CCDC171: variants seen among roughly 807,000 people sequenced by gnomAD.
CCDC171 encodes coiled-coil domain-containing protein 171.
A neutral mutation model predicts 168.2 loss-of-function variants in CCDC171; 177 were observed. That is an observed-to-expected ratio of 1.05 (90% CI 0.93 to 1.19). The LOEUF is 1.19. Ranked by LOEUF, CCDC171 falls within the 50% of genes most tolerant of loss-of-function variation. The pLI, the probability that CCDC171 is intolerant of heterozygous loss-of-function variation, is 0.00. For missense variants in CCDC171, 1,991 were observed against 1,539.0 expected, an observed-to-expected ratio of 1.29 and a Z score of -4.91; for synonymous variants, 687 against 540.8, an observed-to-expected ratio of 1.27 and a Z score of -3.75.
At chr9:15,770,818 G>A (rs913166241) in intron 18 of CCDC171, among the ~76,000 whole-genome samples, 3 of 152,096 alleles carry the variant, frequency 2.0e-5, no homozygotes, top group African/African-American at 7.2e-5. Flanking sequence ...ACACAATACA[G>A]AAACCTGCAC....
intron 21 of CCDC171, among the ~76,000 whole-genome samples, chr9:15,826,536 T>C (rs1454525108): frequency 6.6e-6 from 1 of 152,188 alleles, no homozygotes; most frequent in Non-Finnish European, 1.5e-5. Context: ...TCTGCCTGAT[T>C]TTCTTTCTCT....
intron 3 of CCDC171, among the ~76,000 whole-genome samples, chr9:15,578,126 T>TG: frequency 6.6e-6 from 1 of 152,216 alleles, no homozygotes. Context: ...ATTTGTTTAT[T>TG]GGTTCCATTT....
intron 24 of CCDC171, among the ~76,000 whole-genome samples, chr9:15,879,339 G>A (rs1404692154): frequency 6.6e-6 from 1 of 151,414 alleles, no homozygotes; most frequent in African/African-American, 2.4e-5. Flanking sequence ...TACATGTTTT[G>A]GAGGCACATG....
chr9:15,583,446 G>C (rs2663300), intron 4 of CCDC171, among the ~76,000 whole-genome samples: 74,542 of 149,974 alleles, frequency 0.5, 19,157 homozygotes, highest in East Asian at 0.85. Context: ...TATATATACA[G>C]CAAGGAATAC....
At chr9:15,979,712 G>T (rs955639214) in intron 3 of CCDC171, among the ~76,000 whole-genome samples, 4 of 151,490 alleles carry the variant, frequency 2.6e-5, no homozygotes, top group African/African-American at 9.7e-5. Flanking sequence ...ATTTGTTGGA[G>T]ATTTTGCATC....
chr9:15,842,079 TC>T (rs1415319973), intron 21 of CCDC171, among the ~76,000 whole-genome samples: 8 of 144,794 alleles, frequency 5.5e-5, no homozygotes, highest in South Asian at 2.2e-4. Context: ...TTATCTTTTT[TC>T]CCCCTGCAAG....
chr9:16,020,493 T>C (rs1833133921), intron 3 of CCDC171: 1 of 154,246 alleles, frequency 6.5e-6, no homozygotes, highest in Non-Finnish European at 1.5e-5. Flanking sequence ...AAGTACAGCA[T>C]ATGATTTTTT....
intron 2 of CCDC171, among the ~76,000 whole-genome samples, chr9:15,566,757 G>A (rs2039766932): frequency 6.6e-6 from 1 of 152,122 alleles, no homozygotes; most frequent in Non-Finnish European, 1.5e-5. Flanking sequence ...ACTAACCTAA[G>A]GTCATGAAGA....
intron 21 of CCDC171, among the ~76,000 whole-genome samples, chr9:15,807,284 G>C (rs1344169476): frequency 6.6e-6 from 1 of 152,212 alleles, no homozygotes; most frequent in Non-Finnish European, 1.5e-5. Context: ...GAGGATGTAA[G>C]ACACTCTGGC....
intron 21 of CCDC171, among the ~76,000 whole-genome samples, chr9:15,789,675 AT>A (rs1374236356): frequency 6.6e-6 from 1 of 152,148 alleles, no homozygotes. Context: ...ATATGTATAC[AT>A]GTGCCATGTT....
intron 25 of CCDC171, among the ~76,000 whole-genome samples, chr9:15,929,524 G>C (rs1826259238): frequency 1.3e-5 from 2 of 151,616 alleles, no homozygotes; most frequent in African/African-American, 4.8e-5. Context: ...GCAGCCCAAG[G>C]AAGAGTCCTT....
intron 6 of CCDC171, among the ~76,000 whole-genome samples, chr9:15,611,301 A>C (rs543063002): frequency 2.6e-5 from 4 of 152,280 alleles, no homozygotes; most frequent in Non-Finnish European, 5.9e-5. Flanking sequence ...CCATTCTCAC[A>C]TATTTCTTTA....
chr9:15,900,417 T>C (rs1180563768), intron 24 of CCDC171, among the ~76,000 whole-genome samples: 2 of 152,154 alleles, frequency 1.3e-5, no homozygotes, highest in Non-Finnish European at 2.9e-5. Context: ...GGCAAGTAAG[T>C]GAATTCTGCC....
chr9:15,646,514 G>A (rs936241076), intron 7 of CCDC171, among the ~76,000 whole-genome samples: 1 of 152,162 alleles, frequency 6.6e-6, no homozygotes, highest in Non-Finnish European at 1.5e-5. Flanking sequence ...CCCATCTCAT[G>A]TGCAGAGACA....
At chr9:15,595,867 G>T (rs1354195146) in intron 6 of CCDC171, among the ~76,000 whole-genome samples, 3 of 152,158 alleles carry the variant, frequency 2.0e-5, no homozygotes, top group Non-Finnish European at 2.9e-5. Flanking sequence ...GTACCTCATT[G>T]TGGTTTTGAT....
intron 21 of CCDC171, among the ~76,000 whole-genome samples, chr9:15,803,334 T>C (rs2058918031): frequency 6.6e-6 from 1 of 152,172 alleles, no homozygotes; most frequent in Admixed American, 6.5e-5. Flanking sequence ...TCTTTGCCCA[T>C]GCCTATGTCC....
Position 15,971,994 on chromosome 9 carries a change from T to C in CCDC171, c.*158T>C. The C allele has an allele frequency of 1.8e-6, 1 of 568,838 alleles. No individual in the cohort carries two copies. Among genetic ancestry groups the C allele is most frequent in the South Asian group, 2.9e-5 (1 of 34,954 alleles). The allele number at this position is 568,838 out of a possible 1,614,324, so 35.2% of individuals were successfully genotyped here. A position where few individuals can be genotyped will look rare whatever the true frequency, so the allele number is the denominator to read the frequency against. On this transcript the variant is annotated 3_prime_UTR_variant, in exon 26 of 26. Transcript: ENST00000380701. ...ATGTATTCTGGTAGCTCTGTCTCCT[T>C]GAATAAGGAAATAGCCAACTTTTTT...
At chr9:15,729,589 C>G in intron 15 of CCDC171, 21 bp from the exon 16 acceptor site, 1 of 1,520,322 alleles carries the variant, frequency 6.6e-7, no homozygotes, top group Non-Finnish European at 8.9e-7. Context: ...ATTTCCTTCT[C>G]TGTTGCATCT....
chr9:15,618,317 A>G (rs1345525934), intron 6 of CCDC171, among the ~76,000 whole-genome samples: 1 of 152,164 alleles, frequency 6.6e-6, no homozygotes, highest in Non-Finnish European at 1.5e-5. Context: ...CCTTAGCACT[A>G]TCAGGAGAAA....
Sources: gnomAD v4.1 joint callset for allele counts (sites outside exome capture counted in the v4.1 genomes callset) on GRCh38, gnomAD v4.1.1 for gene constraint, MANE v1.5 for transcripts, NCBI Gene and HGNC (gene_info 2026-07-23, HGNC 2026-07-21) for gene names.